PDE8A: variants seen among roughly 807,000 people sequenced by gnomAD.
PDE8A encodes phosphodiesterase 8A.
PDE8A carries 59 observed loss-of-function variants against 105.0 expected under a neutral mutation model. The observed-to-expected ratio is 0.56, with a 90% confidence interval of 0.46 to 0.70. The LOEUF is 0.70. PDE8A is among the 30% of genes least tolerant of loss of function. The pLI, the probability that PDE8A is intolerant of heterozygous loss-of-function variation, is 0.00. For missense variants in PDE8A, 1,014 were observed against 1,045.9 expected (o/e 0.97, Z 0.42); for synonymous variants, 355 against 371.9 (o/e 0.95, Z 0.52).
chr15:85,083,933 G>C (rs2081507310), intron 6 of PDE8A, among the ~76,000 whole-genome samples: 1 of 152,098 alleles, frequency 6.6e-6, no homozygotes, highest in Non-Finnish European at 1.5e-5. Flanking sequence ...TGTTTTCTAA[G>C]GGGACAAAAA....
At chr15:85,050,931 G>A (rs748673596) in intron 1 of PDE8A, among the ~76,000 whole-genome samples, 1 of 152,146 alleles carries the variant, frequency 6.6e-6, no homozygotes, top group Non-Finnish European at 1.5e-5. Flanking sequence ...ATTAAGTATT[G>A]TAATTTGTGA....
intron 1 of PDE8A, among the ~76,000 whole-genome samples, chr15:84,994,420 C>T (rs1483331822): frequency 2.6e-5 from 4 of 152,192 alleles, no homozygotes; most frequent in Admixed American, 2.6e-4. Context: ...ATGTAATCAC[C>T]AGCCAAATCA....
rs1308205921 is a variant in PDE8A at position 85,138,528 on chromosome 15, A to C, written c.*625A>C. 1 of 152,686 alleles carries C rather than the reference A, an allele frequency of 6.5e-6. No homozygotes were observed. Among genetic ancestry groups the C allele is most frequent in the Non-Finnish European group, 1.5e-5 (1 of 68,052 alleles). The allele number at this position is 152,686 out of a possible 1,614,324, so 9.5% of individuals were successfully genotyped here. Reference sequence around the variant, plus strand: ...CTTCAAATACCGTGACCAAATTTACATGATTCATATTCATTATGCATTACT... The same window carrying C: ...CTTCAAATACCGTGACCAAATTTACCTGATTCATATTCATTATGCATTACT... On this transcript the variant is annotated 3_prime_UTR_variant, in exon 22 of 22. Coordinates refer to ENST00000394553, the MANE Select transcript of PDE8A (RefSeq NM_002605.3).
intron 6 of PDE8A, among the ~76,000 whole-genome samples, chr15:85,085,094 C>G (rs2081529932): frequency 6.6e-6 from 1 of 152,136 alleles, no homozygotes; most frequent in African/African-American, 2.4e-5. Flanking sequence ...TCTATGACAC[C>G]CCAGATAGGC....
chr15:85,058,453 T>G (rs1463197093), intron 1 of PDE8A, among the ~76,000 whole-genome samples: 1 of 152,194 alleles, frequency 6.6e-6, no homozygotes, highest in African/African-American at 2.4e-5. Context: ...TTCTCTTCAA[T>G]TTTTTGTAAA....
chr15:85,116,548 A>G (rs184193995), intron 16 of PDE8A, among the ~76,000 whole-genome samples: 144 of 152,346 alleles, frequency 9.5e-4, no homozygotes, highest in African/African-American at 3.3e-3. Context: ...AGCCCCAGTC[A>G]TCCTCATCTG....
intron 1 of PDE8A, among the ~76,000 whole-genome samples, chr15:84,984,988 T>G (rs2079779313): frequency 6.6e-6 from 1 of 152,174 alleles, no homozygotes; most frequent in Non-Finnish European, 1.5e-5. Flanking sequence ...CGGCCTATAC[T>G]GGCTCAGACT....
At chr15:85,054,317 G>A (rs2081025365) in intron 1 of PDE8A, among the ~76,000 whole-genome samples, 1 of 152,174 alleles carries the variant, frequency 6.6e-6, no homozygotes. Flanking sequence ...TTGGTATCAG[G>A]ATGATGCTGG....
intron 7 of PDE8A, among the ~76,000 whole-genome samples, chr15:85,090,357 G>A (rs866943872): frequency 5.0e-4 from 76 of 152,224 alleles, no homozygotes; most frequent in African/African-American, 1.8e-3. Context: ...ATAGTGCCCA[G>A]TGAGGAAAAT....
chr15:85,050,651 T>G (rs1343925725), intron 1 of PDE8A, among the ~76,000 whole-genome samples: 1 of 152,184 alleles, frequency 6.6e-6, no homozygotes, highest in Non-Finnish European at 1.5e-5. Context: ...TCTGGGCCCT[T>G]TATTCTAGTT....
chr15:85,066,589 CA>C (rs2081230480), intron 2 of PDE8A, among the ~76,000 whole-genome samples: 1 of 19,820 alleles, frequency 5.0e-5, no homozygotes, highest in African/African-American at 2.1e-4. Context: ...CCAAAACACA[CA>C]CACACACACA....
chr15:85,036,203 A>C (rs531896844), intron 1 of PDE8A, among the ~76,000 whole-genome samples: 1 of 152,206 alleles, frequency 6.6e-6, no homozygotes, highest in Non-Finnish European at 1.5e-5. Context: ...TGTGGATGCT[A>C]CTTTTAACAG....
At chr15:85,030,726 C>G (rs1427810658) in intron 1 of PDE8A, among the ~76,000 whole-genome samples, 1 of 152,124 alleles carries the variant, frequency 6.6e-6, no homozygotes, top group Non-Finnish European at 1.5e-5. Flanking sequence ...AATATTTTCT[C>G]TTTCTAGAAT....
intron 20 of PDE8A, among the ~76,000 whole-genome samples, chr15:85,132,945 T>C (rs1207692622): frequency 6.6e-6 from 1 of 152,178 alleles, no homozygotes; most frequent in East Asian, 1.9e-4. Flanking sequence ...GTTTCTTTTC[T>C]TCCTTTGAGT....
intron 1 of PDE8A, among the ~76,000 whole-genome samples, chr15:85,042,801 T>C (rs2080830694): frequency 6.6e-6 from 1 of 152,206 alleles, no homozygotes; most frequent in African/African-American, 2.4e-5. Context: ...TCATTTAATC[T>C]TCACAATCAC....
At chr15:84,982,437 C>G in intron 1 of PDE8A, 89 bp downstream of exon 1, 1 of 808,930 alleles carries the variant, frequency 1.2e-6, no homozygotes, top group East Asian at 3.4e-5. Flanking sequence ...GGGGTCCCCC[C>G]CACCCGGCCT....
chr15:85,132,127 T>G (rs1596550098), intron 20 of PDE8A, among the ~76,000 whole-genome samples: 1 of 152,322 alleles, frequency 6.6e-6, no homozygotes, highest in East Asian at 1.9e-4. Flanking sequence ...TTCCCCAGAT[T>G]ATGGCATTTT....
At chr15:85,110,587 T>C (rs192347451) in intron 12 of PDE8A, among the ~76,000 whole-genome samples, 18 of 152,334 alleles carry the variant, frequency 1.2e-4, no homozygotes, top group Admixed American at 1.2e-3. Context: ...CACTTTCATG[T>C]TTTCGAGGTT....
At chr15:85,023,581 T>C (rs991902768) in intron 1 of PDE8A, among the ~76,000 whole-genome samples, 3 of 151,590 alleles carry the variant, frequency 2.0e-5, no homozygotes, top group African/African-American at 7.3e-5. Flanking sequence ...GTCAGAGAAT[T>C]ATTGGAGGAG....
Sources: allele counts gnomAD v4.1 joint callset (sites outside exome capture counted in the v4.1 genomes callset), GRCh38; gene constraint gnomAD v4.1.1; transcripts MANE v1.5; gene names NCBI Gene and HGNC (gene_info 2026-07-23, HGNC 2026-07-21).